Variants in ADTRP observed in about 807,000 individuals in gnomAD.
ADTRP encodes the protein androgen dependent TFPI regulating protein, also known as androgen-dependent TFPI-regulating protein.
A neutral mutation model predicts 27.0 loss-of-function variants in ADTRP; 20 were observed. The observed-to-expected ratio is 0.74, with a 90% CI of 0.52 to 1.08. ADTRP has a LOEUF of 1.08. Among genes scored for constraint, ADTRP ranks in the 50% least tolerant of loss-of-function variants. The pLI is 0.00. For synonymous variants in ADTRP, 101 were observed against 105.2 expected (o/e 0.96, Z 0.25); for missense variants, 251 against 275.0 (o/e 0.91, Z 0.62).
chr6:11,749,278 T>A (rs1037425460), intron 3 of ADTRP, among the ~76,000 whole-genome samples: 6 of 152,164 alleles, frequency 3.9e-5, no homozygotes, highest in African/African-American at 1.4e-4. Flanking sequence ...TCAGAACAGA[T>A]GAGAATATAA....
chr6:11,714,539 C>T lies in ADTRP; in HGVS notation c.659-27G>A, dbSNP rs1027020774. 5 of 1,606,692 alleles carry T rather than the reference C, an allele frequency of 3.1e-6. No individual in the cohort carries two copies. The African/African-American group carries it at 5.4e-5, about 17-fold the overall frequency. On this transcript the variant is annotated intron_variant, in intron 5 of 5. Coordinates refer to ENST00000414691, the MANE Select transcript of ADTRP (RefSeq NM_032744.4). ...TGTACAAACAAGAACAGAGACAGAC[C>T]TCAGGCTTCAGGCTTTCCCTAATGG...
intron 5 of ADTRP, among the ~76,000 whole-genome samples, chr6:11,718,126 C>T (rs1417707391): frequency 2.0e-5 from 3 of 152,242 alleles, no homozygotes; most frequent in Non-Finnish European, 4.4e-5. Context: ...CCAGGACACA[C>T]TCCCAGCGCC....
At chr6:11,740,456 C>A (rs934045122) in intron 3 of ADTRP, among the ~76,000 whole-genome samples, 11 of 152,084 alleles carry the variant, frequency 7.2e-5, no homozygotes, top group Non-Finnish European at 1.6e-4. Context: ...ACCAAAATAT[C>A]AATTAAAACA....
chr6:11,775,349 T>C (rs1044211747), intron 1 of ADTRP, among the ~76,000 whole-genome samples: 12 of 152,092 alleles, frequency 7.9e-5, no homozygotes, highest in African/African-American at 2.9e-4. Context: ...GTCAGATCAT[T>C]TCTCCCCCAT....
intron 4 of ADTRP, among the ~76,000 whole-genome samples, chr6:11,723,764 T>C (rs1554111575): frequency 6.6e-6 from 1 of 152,044 alleles, no homozygotes; most frequent in Non-Finnish European, 1.5e-5. Flanking sequence ...TGAAAAAATA[T>C]AAGAGAACAT....
At chr6:11,722,077 T>G (rs755554764) in intron 5 of ADTRP, among the ~76,000 whole-genome samples, 5 of 152,082 alleles carry the variant, frequency 3.3e-5, no homozygotes, top group Non-Finnish European at 4.4e-5. Flanking sequence ...TACCCAGAAC[T>G]TCAAGGAGCC....
chr6:11,732,737 G>A (rs978592056), intron 4 of ADTRP, among the ~76,000 whole-genome samples: 1 of 152,024 alleles, frequency 6.6e-6, no homozygotes, highest in East Asian at 1.9e-4. Context: ...ACCCAGTCAC[G>A]TTCCTGCTGG....
chr6:11,719,392 G>A (rs962804521), intron 5 of ADTRP, among the ~76,000 whole-genome samples: 17 of 152,202 alleles, frequency 1.1e-4, no homozygotes, highest in Non-Finnish European at 2.1e-4. Flanking sequence ...CAGCGGTTCC[G>A]GATCCCGATT....
intron 1 of ADTRP, among the ~76,000 whole-genome samples, chr6:11,777,114 A>G (rs987913554): frequency 2.0e-5 from 3 of 152,218 alleles, no homozygotes; most frequent in Non-Finnish European, 4.4e-5. Context: ...TAGCTGATCA[A>G]TCAGGGAAGC....
intron 5 of ADTRP, among the ~76,000 whole-genome samples, chr6:11,719,793 G>A (rs1256658248): frequency 6.6e-6 from 1 of 152,188 alleles, no homozygotes; most frequent in Admixed American, 6.5e-5. Flanking sequence ...CTGCTATCGG[G>A]TAGCTGTTAC....
chr6:11,735,320 C>T (rs1011771679), intron 4 of ADTRP, among the ~76,000 whole-genome samples: 5 of 152,094 alleles, frequency 3.3e-5, no homozygotes, highest in African/African-American at 4.8e-5. Context: ...TAATTCTTCA[C>T]GAGAGAGAGA....
intron 2 of ADTRP, among the ~76,000 whole-genome samples, chr6:11,766,846 T>G (rs781395102): frequency 2.6e-5 from 4 of 152,120 alleles, no homozygotes; most frequent in Non-Finnish European, 4.4e-5. Flanking sequence ...CCCTGGAAAA[T>G]GCACAAGCTA....
At chr6:11,738,305 G>A (rs1762610198) in intron 3 of ADTRP, among the ~76,000 whole-genome samples, 1 of 152,116 alleles carries the variant, frequency 6.6e-6, no homozygotes, top group Non-Finnish European at 1.5e-5. Flanking sequence ...TGTCCCTGGG[G>A]CTCCCTCCCC....
At chr6:11,759,540 T>C (rs933799443) in intron 3 of ADTRP, among the ~76,000 whole-genome samples, 3 of 152,198 alleles carry the variant, frequency 2.0e-5, no homozygotes, top group African/African-American at 7.2e-5. Context: ...AGGTCATTAT[T>C]ACATGAGTTT....
At chr6:11,741,417 G>A (rs751752363) in intron 3 of ADTRP, among the ~76,000 whole-genome samples, 10 of 152,320 alleles carry the variant, frequency 6.6e-5, no homozygotes, top group Middle Eastern at 3.4e-3. Flanking sequence ...GGGGAAACAT[G>A]AATAGTCTTT....
In ADTRP at chr6:11,745,317, C is replaced by T. The variant is rs146705249; in HGVS notation, c.391-9634G>A. Among the ~76,000 whole-genome samples, 19 of 152,108 alleles carry T rather than the reference C, an allele frequency of 1.2e-4. 1 individual carries two copies. The highest frequency in any genetic ancestry group is 1.2e-3 in the Admixed American group (18 of 15,274). On this transcript the variant is annotated intron_variant, in intron 3 of 5. Coordinates refer to ENST00000414691, the MANE Select transcript of ADTRP (RefSeq NM_032744.4). ...CCTAGGAAATGCCTTCATTCAATAC[C>T]CATCAAATATCTCTCGAGAAGCAGT... is the stretch of plus-strand genomic sequence containing the variant.
At chr6:11,745,563 C>G (rs1026296042) in intron 3 of ADTRP, among the ~76,000 whole-genome samples, 8 of 152,112 alleles carry the variant, frequency 5.3e-5, no homozygotes, top group Admixed American at 5.2e-4. Flanking sequence ...ACCACAAGTC[C>G]TTGTTTAAAT....
chr6:11,738,637 AGT>A (rs1279321068), intron 3 of ADTRP: 2 of 152,276 alleles, frequency 1.3e-5, no homozygotes, highest in African/African-American at 2.4e-5. Flanking sequence ...GGAATAATGT[AGT>A]GTGTTCGCGT....
chr6:11,746,259 G>A (rs1762862872), intron 3 of ADTRP, among the ~76,000 whole-genome samples: 2 of 152,234 alleles, frequency 1.3e-5, no homozygotes, highest in East Asian at 1.9e-4. Flanking sequence ...TCAGAGTATG[G>A]ACATCACTGG....
Sources: gnomAD v4.1 joint callset for allele counts (sites outside exome capture counted in the v4.1 genomes callset) on GRCh38, gnomAD v4.1.1 for gene constraint, MANE v1.5 for transcripts, NCBI Gene and HGNC (gene_info 2026-07-23, HGNC 2026-07-21) for gene names.